The following DPY19L1 variants were observed in gnomAD, a reference collection of about 807,000 sequenced individuals.
DPY19L1 encodes protein C-mannosyl-transferase DPY19L1.
Under a neutral mutation model 96.9 loss-of-function variants are expected in DPY19L1, and 35 were observed. That is an observed-to-expected ratio of 0.36 (90% CI 0.28 to 0.48). The LOEUF (loss-of-function observed/expected upper bound fraction) is 0.48. Ranked by LOEUF, DPY19L1 falls within the 20% of genes least tolerant of loss-of-function variation. The probability of loss-of-function intolerance (pLI) is 0.99; values close to 1 mark genes in which losing one functional copy is unlikely to be tolerated. For synonymous variants in DPY19L1, 205 were observed against 252.6 expected, an observed-to-expected ratio of 0.81 and a Z score of 1.79; for missense variants, 521 against 777.9, an observed-to-expected ratio of 0.67 and a Z score of 3.93.
intron 3 of DPY19L1, among the ~76,000 whole-genome samples, chr7:35,016,649 G>A (rs1441345106): frequency 1.3e-5 from 2 of 152,174 alleles, no homozygotes; most frequent in African/African-American, 4.8e-5. Flanking sequence ...TAAAGCCAGT[G>A]ATCACTCTTA....
intron 21 of DPY19L1, among the ~76,000 whole-genome samples, chr7:34,932,410 A>T (rs539845636): frequency 1.3e-5 from 2 of 152,354 alleles, no homozygotes; most frequent in South Asian, 2.1e-4. Flanking sequence ...CTATTTTACA[A>T]CAAAACATTG....
At chr7:34,982,407 G>A (rs1189287955) in intron 7 of DPY19L1, among the ~76,000 whole-genome samples, 1 of 152,202 alleles carries the variant, frequency 6.6e-6, no homozygotes, top group Non-Finnish European at 1.5e-5. Context: ...GTTTGTATAA[G>A]AGAGACAGCA....
At position 34,937,982 on chromosome 7, in the gene DPY19L1, G is replaced by A; in HGVS notation, c.2090+12C>T. The A allele has an allele frequency of 6.2e-7, 1 of 1,611,534 alleles. No homozygotes were observed. The highest frequency in any genetic ancestry group is 8.5e-7 in the Non-Finnish European group (1 of 1,178,962). ...CTTATGATTATAAAATGTTAACTGT[G>A]TTGATACTCACTTGGATCTTCTTAC... On this transcript the variant is annotated intron_variant, in intron 21 of 21. Transcript: ENST00000638088.
In DPY19L1 at chr7:34,973,608, GAAA is replaced by G; in HGVS notation, c.823-6_823-4del. 7.3e-7 allele frequency: 1 copy of G among 1,377,378 alleles called. No individual in the cohort carries two copies. The highest frequency in any genetic ancestry group is 1.9e-5 in the South Asian group (1 of 52,450). The allele number at this position is 1,377,378 out of a possible 1,614,324, so 85.3% of individuals were successfully genotyped here. A position where few individuals can be genotyped will look rare whatever the true frequency, so the allele number is the denominator to read the frequency against. Reference sequence around the variant, plus strand: ...GGTGTCCACATTACACGGGTACACTGAAAAAAAAAATTTGTAGTATAGTATACT... The same window carrying G: ...GGTGTCCACATTACACGGGTACACTGAAAAAAATTTGTAGTATAGTATACT... On this transcript the variant is annotated splice_region_variant and splice_polypyrimidine_tract_variant and intron_variant, in intron 7 of 21. Coordinates refer to ENST00000638088, the MANE Select transcript of DPY19L1 (RefSeq NM_001366673.1).
chr7:35,013,653 T>C lies in DPY19L1; in HGVS notation c.464A>G (p.Asn155Ser), dbSNP rs764483161. The C allele has an allele frequency of 8.1e-6, 13 of 1,605,592 alleles. No homozygotes were observed. Among genetic ancestry groups the C allele is most frequent in the Admixed American group, 6.7e-5 (4 of 59,394 alleles). ...KTIVEAPSFLNGVWMIMNDKL... is the reference protein window; with the variant it reads ...KTIVEAPSFLSGVWMIMNDKL... ...ATCATTCATAATCATCCATACTCCA[T>C]TCAAAAATGAGGGTGCTTCCACAAT... The change falls in exon 4 of 22, where the codon AAT becomes AGT. Residue 155 changes from asparagine to serine, a missense_variant. By Grantham distance (46) the Asn-to-Ser change is conservative (BLOSUM62 1). Transcript: ENST00000638088.
At chr7:34,935,631 CCTAA>C (rs1048823995) in intron 21 of DPY19L1, among the ~76,000 whole-genome samples, 71 of 152,246 alleles carry the variant, frequency 4.7e-4, no homozygotes, top group African/African-American at 1.3e-3. Context: ...CCCTTCCTCT[CCTAA>C]CTGAGTTCCC....
chr7:34,957,682 G>A (rs1382610416), intron 11 of DPY19L1, among the ~76,000 whole-genome samples: 2 of 152,134 alleles, frequency 1.3e-5, no homozygotes, highest in African/African-American at 2.4e-5. Context: ...GAAGAGGGGT[G>A]GCTGTTACAA....
At chr7:34,952,881 A>G (rs1385126622) in intron 13 of DPY19L1, among the ~76,000 whole-genome samples, 5 of 152,212 alleles carry the variant, frequency 3.3e-5, no homozygotes, top group African/African-American at 1.2e-4. Context: ...CAATGTGGGA[A>G]GCATTCATTC....
chr7:34,997,541 C>T (rs1346940205), intron 6 of DPY19L1, among the ~76,000 whole-genome samples: 2 of 139,698 alleles, frequency 1.4e-5, no homozygotes, highest in Admixed American at 7.6e-5. Context: ...ACCCAGGAGG[C>T]GGAGCTTGCA....
intron 21 of DPY19L1, among the ~76,000 whole-genome samples, chr7:34,936,300 G>C (rs571142515): frequency 6.6e-6 from 1 of 151,398 alleles, no homozygotes; most frequent in Admixed American, 6.6e-5. Flanking sequence ...TGCAAATCCA[G>C]GGAGCTCTCC....
rs1199545167 is a variant in DPY19L1, at chr7:35,005,619, T to C, written c.764+4849A>G. ...TTTGAGACCAGCCTGACCAAAATGG[T>C]AAAACCCTGTCTCTACTAAAAAAAA... On this transcript the variant is annotated intron_variant, in intron 6 of 21. Coordinates refer to ENST00000638088, the MANE Select transcript of DPY19L1 (RefSeq NM_001366673.1). 2.8e-5 allele frequency among the ~76,000 whole-genome samples: 3 copies of C among 106,388 alleles called. No individual in the cohort carries two copies. The East Asian group carries it at 7.7e-4, about 27-fold the overall frequency. The allele number at this position is 106,388 out of a possible 152,430, so 69.8% of individuals were successfully genotyped here. A position where few individuals can be genotyped will look rare whatever the true frequency, so the allele number is the denominator to read the frequency against.
intron 1 of DPY19L1, 144 bp downstream of exon 1, chr7:35,036,953 G>A (rs1360716191): frequency 1.3e-5 from 2 of 155,920 alleles, no homozygotes; most frequent in East Asian, 3.6e-4. Context: ...AGTCGGAGAG[G>A]GCTGCAAACT....
At chr7:34,953,840 C>T (rs1784318389) in intron 13 of DPY19L1, among the ~76,000 whole-genome samples, 1 of 152,086 alleles carries the variant, frequency 6.6e-6, no homozygotes, top group Non-Finnish European at 1.5e-5. Context: ...AACCCTTGTT[C>T]TTATGAAAAC....
At chr7:34,979,861 A>G (rs539484216) in intron 7 of DPY19L1, among the ~76,000 whole-genome samples, 1 of 152,248 alleles carries the variant, frequency 6.6e-6, no homozygotes, top group Admixed American at 6.5e-5. Flanking sequence ...GATCCAAAAC[A>G]CAACCAGCAA....
chr7:35,013,274 A>G (rs1584255587), intron 4 of DPY19L1, among the ~76,000 whole-genome samples: 1 of 152,208 alleles, frequency 6.6e-6, no homozygotes, highest in African/African-American at 2.4e-5. Context: ...ACATTTAACA[A>G]ATGACATGTA....
At chr7:35,016,990 C>A (rs1785864974) in intron 3 of DPY19L1, among the ~76,000 whole-genome samples, 1 of 151,104 alleles carries the variant, frequency 6.6e-6, no homozygotes, top group Non-Finnish European at 1.5e-5. Context: ...TCAAACACAT[C>A]AACTGTTTTT....
chr7:34,945,796 A>G (rs1274787395), intron 15 of DPY19L1, 80 bp from the exon 16 acceptor site: 3 of 937,516 alleles, frequency 3.2e-6, no homozygotes, highest in Non-Finnish European at 5.0e-6. Flanking sequence ...TCTAAACTGT[A>G]AAATAACTTT....
chr7:34,940,413 A>C (rs920729734), intron 18 of DPY19L1, 86 bp from the exon 19 acceptor site: 1 of 1,151,354 alleles, frequency 8.7e-7, no homozygotes, highest in African/African-American at 1.6e-5. Flanking sequence ...GAGAAGAATA[A>C]GGCCTCTGCT....
In DPY19L1 at chr7:35,015,289, A is replaced by G. The variant is rs1299392290; in HGVS notation, c.412-1584T>C. 2.0e-5 allele frequency among the ~76,000 whole-genome samples: 3 copies of G among 152,344 alleles called. No individual in the cohort carries two copies. The South Asian group carries it at 6.2e-4, about 32-fold the overall frequency. On this transcript the variant is annotated intron_variant, in intron 3 of 21. Transcript: ENST00000638088. ...ATTTCAAGTAACATTAAGATACTGT[A>G]ATTTTACTGTATATCCCTAGTGGAC...
Sources: gnomAD v4.1 joint callset for allele counts (sites outside exome capture counted in the v4.1 genomes callset) on GRCh38, gnomAD v4.1.1 for gene constraint, MANE v1.5 for transcripts, NCBI Gene and HGNC (gene_info 2026-07-23, HGNC 2026-07-21) for gene names.